EXOC6B: variants seen among roughly 807,000 people sequenced by gnomAD.
EXOC6B encodes the protein SEC15 homolog B.
In EXOC6B, 54 loss-of-function variants were observed where a neutral mutation model predicts 113.5. The ratio of observed to expected loss-of-function variants is 0.48; its 90% CI spans 0.38 to 0.60. EXOC6B has a LOEUF of 0.60. EXOC6B is among the 20% of genes least tolerant of loss of function. The pLI is 0.00. For synonymous variants in EXOC6B, 357 were observed against 339.0 expected, an observed-to-expected ratio of 1.05 and a Z score of -0.58; for missense variants, 797 against 977.5, an observed-to-expected ratio of 0.82 and a Z score of 2.46.
intron 6 of EXOC6B, among the ~76,000 whole-genome samples, chr2:72,608,129 A>G (rs1670860334): frequency 6.6e-6 from 1 of 152,166 alleles, no homozygotes; most frequent in South Asian, 2.1e-4. Context: ...CAAGATTCTA[A>G]CAATTCCTTC....
intron 19 of EXOC6B, 136 bp from the exon 20 acceptor site, chr2:72,335,156 T>C: frequency 1.4e-6 from 1 of 705,854 alleles, no homozygotes; most frequent in Non-Finnish European, 2.5e-6. Flanking sequence ...TCTCTCTCCC[T>C]TCAGCTTCTT....
chr2:72,638,665 T>C (rs1469136992), intron 6 of EXOC6B, among the ~76,000 whole-genome samples: 1 of 152,138 alleles, frequency 6.6e-6, no homozygotes, highest in Non-Finnish European at 1.5e-5. Context: ...CAGGAGGAGA[T>C]GCCTCAACCA....
chr2:72,365,311 T>C (rs908194281), intron 19 of EXOC6B, among the ~76,000 whole-genome samples: 2 of 151,874 alleles, frequency 1.3e-5, no homozygotes, highest in Non-Finnish European at 2.9e-5. Flanking sequence ...GATAAACTAA[T>C]AGGCACAGCA....
intron 20 of EXOC6B, among the ~76,000 whole-genome samples, chr2:72,307,501 G>T (rs941033016): frequency 6.6e-6 from 1 of 151,884 alleles, no homozygotes; most frequent in Non-Finnish European, 1.5e-5. Context: ...TTCCCTCTTT[G>T]GTGTCTTCAA....
intron 20 of EXOC6B, among the ~76,000 whole-genome samples, chr2:72,289,761 T>C (rs1382259276): frequency 1.3e-5 from 2 of 152,064 alleles, no homozygotes; most frequent in African/African-American, 4.8e-5. Flanking sequence ...CCAGGTACGG[T>C]GGCTCATGCC....
chr2:72,596,125 G>A (rs1670067334), intron 6 of EXOC6B, among the ~76,000 whole-genome samples: 1 of 152,096 alleles, frequency 6.6e-6, no homozygotes, highest in African/African-American at 2.4e-5. Context: ...AAGCCAAGGT[G>A]GAACAGACTT....
Position 72,825,997 on chromosome 2 carries a change from C to T in EXOC6B, c.-87G>A. 1 of 1,527,254 alleles carries T rather than the reference C, an allele frequency of 6.5e-7. No individual in the cohort carries two copies. The highest frequency in any genetic ancestry group is 8.8e-7 in the Non-Finnish European group (1 of 1,137,172). 94.6% of individuals were successfully genotyped at this position (1,527,254 alleles called of 1,614,324 possible). ...ACAATGCCGCTCCCACCACAGGCTC[C>T]ACAGCCGCCCCAGCCTCTGGCTACC... is the stretch of plus-strand genomic sequence containing the variant. On this transcript the variant is annotated 5_prime_UTR_variant, in exon 1 of 22. Coordinates refer to ENST00000272427, the MANE Select transcript of EXOC6B (RefSeq NM_015189.3). This position sits in a 1 kb window ranked among gnomAD's most constrained non-coding sequence, Gnocchi z 4.4.
intron 20 of EXOC6B, among the ~76,000 whole-genome samples, chr2:72,330,856 G>T (rs557585348): frequency 6.6e-6 from 1 of 152,074 alleles, no homozygotes; most frequent in East Asian, 1.9e-4. Flanking sequence ...TGCTTTCTTG[G>T]AACTCTGCCA....
intron 6 of EXOC6B, among the ~76,000 whole-genome samples, chr2:72,675,679 A>G (rs917171247): frequency 2.6e-5 from 4 of 152,056 alleles, no homozygotes; most frequent in African/African-American, 9.7e-5. Flanking sequence ...TGTGCTCTCA[A>G]CTACTCTAGA....
intron 1 of EXOC6B, among the ~76,000 whole-genome samples, chr2:72,810,062 TGAAATCAAACTA>T (rs1685798666): frequency 6.6e-6 from 1 of 152,068 alleles, no homozygotes. Context: ...CCAACCATAA[TGAAATCAAACTA>T]GAAATCAGTA....
rs557484443 is a variant in EXOC6B at position 72,212,760 on chromosome 2, T to G, written c.2197-28573A>C. 3.5e-4 allele frequency among the ~76,000 whole-genome samples: 54 copies of G among 152,286 alleles called. No homozygotes were observed. The South Asian group carries it at 0.01, about 29-fold the overall frequency. ...TCCACTATAAAGTGAACAAAAAAAC[T>G]TGAATACCAATTGTAGTACATGATG... On this transcript the variant is annotated intron_variant, in intron 20 of 21. Transcript: ENST00000272427.
At chr2:72,485,761 T>C (rs1699392118) in intron 16 of EXOC6B, among the ~76,000 whole-genome samples, 1 of 152,178 alleles carries the variant, frequency 6.6e-6, no homozygotes, top group Non-Finnish European at 1.5e-5. Flanking sequence ...GAGAGAATCA[T>C]ATGGTCAACA....
intron 20 of EXOC6B, among the ~76,000 whole-genome samples, chr2:72,275,859 T>G (rs550644067): frequency 1.4e-4 from 21 of 152,292 alleles, no homozygotes; most frequent in South Asian, 1.0e-3. Context: ...CTGCTTAATT[T>G]TTTTTGGGGG....
At chr2:72,443,125 G>C (rs1242522976) in intron 18 of EXOC6B, among the ~76,000 whole-genome samples, 2 of 151,976 alleles carry the variant, frequency 1.3e-5, no homozygotes, top group African/African-American at 4.8e-5. Flanking sequence ...AGGAGTTCGA[G>C]ACCAGCCTGG....
intron 18 of EXOC6B, among the ~76,000 whole-genome samples, chr2:72,381,864 T>C (rs1340508793): frequency 6.6e-6 from 1 of 152,242 alleles, no homozygotes; most frequent in Non-Finnish European, 1.5e-5. Context: ...AGATATTTTA[T>C]GGATTTTATG....
chr2:72,746,045 C>A lies in EXOC6B; in HGVS notation c.114-4576G>T, dbSNP rs780800696. Among the ~76,000 whole-genome samples the A allele has an allele frequency of 2.2e-4, 33 of 152,034 alleles. 1 individual carries two copies. Among genetic ancestry groups the A allele is most frequent in the Non-Finnish European group, 4.7e-4 (32 of 67,976 alleles). ...ACAGGACCGCTTAAAAATCTAAAAA[C>A]TATATTCCATAATACCTGTTGGTCA... On this transcript the variant is annotated intron_variant, in intron 1 of 21. Coordinates refer to ENST00000272427, the MANE Select transcript of EXOC6B (RefSeq NM_015189.3).
At chr2:72,236,982 A>G (rs1414366994) in intron 20 of EXOC6B, among the ~76,000 whole-genome samples, 1 of 151,966 alleles carries the variant, frequency 6.6e-6, no homozygotes, top group Non-Finnish European at 1.5e-5. Context: ...TAGAAAGATG[A>G]CATTGCTATA....
chr2:72,762,199 G>C (rs1277335644), intron 1 of EXOC6B, among the ~76,000 whole-genome samples: 3 of 150,030 alleles, frequency 2.0e-5, no homozygotes, highest in African/African-American at 7.4e-5. Context: ...AGCCGAGATG[G>C]TGCCACTGAA....
chr2:72,388,916 T>C (rs1307675911), intron 18 of EXOC6B, among the ~76,000 whole-genome samples: 1 of 152,164 alleles, frequency 6.6e-6, no homozygotes, highest in African/African-American at 2.4e-5. Context: ...TATTCCTTGC[T>C]ATTACTTCTG....
Sources: gnomAD v4.1 joint callset for allele counts (sites outside exome capture counted in the v4.1 genomes callset) on GRCh38, gnomAD v4.1.1 for gene constraint, Gnocchi (gnomAD v3.1) non-coding constraint, MANE v1.5 for transcripts, NCBI Gene and HGNC (gene_info 2026-07-23, HGNC 2026-07-21) for gene names.